The following ZNF532 variants were observed in gnomAD, a reference collection of about 807,000 sequenced individuals.
The protein encoded by ZNF532 is zinc finger protein 532.
Under a neutral mutation model 89.3 loss-of-function variants are expected in ZNF532, and 22 were observed. That is an observed-to-expected ratio of 0.25 (90% CI 0.18 to 0.35). The LOEUF is 0.35. Among genes scored for constraint, ZNF532 ranks in the 10% least tolerant of loss-of-function variants. The probability of loss-of-function intolerance (pLI) is 1.00; values close to 1 mark genes in which losing one functional copy is unlikely to be tolerated. For synonymous variants in ZNF532, 606 were observed against 649.6 expected (o/e 0.93, Z 1.02); for missense variants, 1,132 against 1,643.4 (o/e 0.69, Z 5.38).
In ZNF532 at chr18:58,916,822, T is replaced by G. The variant is rs959666573; in HGVS notation, c.-17-1449T>G. ...GTGTATTCTCACTGAGTAGAAATTCTCTCTTGACCCTGGAATAGTTACTTT... is the reference window on the plus strand; with the variant it reads ...GTGTATTCTCACTGAGTAGAAATTCGCTCTTGACCCTGGAATAGTTACTTT... On this transcript the variant is annotated intron_variant, in intron 2 of 9. Coordinates refer to ENST00000591808, the MANE Select transcript of ZNF532 (RefSeq NM_001375912.1). The G allele has an allele frequency of 5.7e-6, 4 of 701,094 alleles. No individual in the cohort carries two copies. The South Asian group carries it at 2.6e-4, about 45-fold the overall frequency. 43.4% of individuals were successfully genotyped at this position (701,094 alleles called of 1,614,324 possible). A position where few individuals can be genotyped will look rare whatever the true frequency, so the allele number is the denominator to read the frequency against.
At chr18:58,954,711 CTTTTTTTTTT>C (rs11416830) in intron 7 of ZNF532, among the ~76,000 whole-genome samples, 1 of 106,338 alleles carries the variant, frequency 9.4e-6, no homozygotes, top group Non-Finnish European at 2.0e-5. Context: ...GAATTTGCTA[CTTTTTTTTTT>C]TTTTTTTTTG....
chr18:58,954,339 G>A, intron 7 of ZNF532: 3 of 827,626 alleles, frequency 3.6e-6, no homozygotes, highest in Non-Finnish European at 4.4e-6. Flanking sequence ...TAAATAGTAA[G>A]TATATGTCTC....
chr18:58,944,955 A>C (rs955399969), intron 5 of ZNF532, among the ~76,000 whole-genome samples: 1 of 152,118 alleles, frequency 6.6e-6, no homozygotes, highest in Non-Finnish European at 1.5e-5. Flanking sequence ...TCTTCCACAA[A>C]AGGAACTTGT....
chr18:58,863,395 G>A (rs2056124275), upstream of ZNF532: 2 of 142,900 alleles, frequency 1.4e-5, no homozygotes, highest in Non-Finnish European at 3.1e-5. Flanking sequence ...GGCGCCCGCC[G>A]GCCGCGGGGC....
chr18:58,928,290 T>TG (rs1283701667), intron 3 of ZNF532, among the ~76,000 whole-genome samples: 2 of 152,230 alleles, frequency 1.3e-5, no homozygotes, highest in East Asian at 3.9e-4. Context: ...AAGGAAGGTT[T>TG]GGGTGGCATT....
At chr18:58,963,824 A>G (rs796219986) in intron 7 of ZNF532, among the ~76,000 whole-genome samples, 4 of 149,642 alleles carry the variant, frequency 2.7e-5, no homozygotes, top group African/African-American at 9.8e-5. Flanking sequence ...CCTGTCTCAA[A>G]AAAAAAAAAA....
upstream of ZNF532, chr18:58,863,782 C>CG (rs1447870726): frequency 6.6e-6 from 1 of 151,724 alleles, no homozygotes; most frequent in Non-Finnish European, 1.5e-5. Context: ...TGCGGGGCGG[C>CG]GGGAGGCGGC....
intron 2 of ZNF532, among the ~76,000 whole-genome samples, chr18:58,866,815 CAA>C (rs975707561): frequency 2.3e-4 from 35 of 152,212 alleles, no homozygotes; most frequent in African/African-American, 3.1e-4. Flanking sequence ...AAAAGGGAAA[CAA>C]GAGTGCATGG....
intron 3 of ZNF532, among the ~76,000 whole-genome samples, chr18:58,927,748 G>A (rs557848419): frequency 2.0e-5 from 3 of 152,290 alleles, no homozygotes; most frequent in African/African-American, 7.2e-5. Flanking sequence ...TACCTGTCCT[G>A]TCTTCAAGGA....
chr18:58,970,994 T>A (rs1037849132), intron 7 of ZNF532, among the ~76,000 whole-genome samples: 2 of 152,244 alleles, frequency 1.3e-5, no homozygotes, highest in African/African-American at 4.8e-5. Flanking sequence ...GAAACTACGG[T>A]GCGACACGTT....
At chr18:58,885,468 C>T (rs192524944) in intron 2 of ZNF532, among the ~76,000 whole-genome samples, 4 of 152,176 alleles carry the variant, frequency 2.6e-5, no homozygotes, top group Admixed American at 2.6e-4. Flanking sequence ...TTTAAATTTC[C>T]ACCTCCTGCC....
chr18:58,948,060 A>G lies in ZNF532; in HGVS notation c.2706-7A>G, dbSNP rs2063813840. ...TGACATGATCTCGCTGCACTCTTCT[A>G]TTTTAGAATAATATATAAGTGTTCC... On this transcript the variant is annotated splice_region_variant and splice_polypyrimidine_tract_variant and intron_variant, in intron 5 of 9. Transcript: ENST00000591808. The G allele has an allele frequency of 4.4e-6, 7 of 1,607,888 alleles. No homozygotes were observed. The highest frequency in any genetic ancestry group is 4.2e-6 in the Non-Finnish European group (5 of 1,177,582).
intron 7 of ZNF532, among the ~76,000 whole-genome samples, chr18:58,958,258 C>T (rs1405032819): frequency 1.3e-5 from 2 of 152,054 alleles, no homozygotes; most frequent in African/African-American, 4.8e-5. Context: ...GACAGATATT[C>T]AGTGCATATT....
intron 2 of ZNF532, among the ~76,000 whole-genome samples, chr18:58,900,041 CTCTT>C (rs1310072779): frequency 2.6e-5 from 4 of 152,146 alleles, no homozygotes; most frequent in African/African-American, 9.6e-5. Flanking sequence ...CATCTCTGTC[CTCTT>C]TATTTTTGAT....
chr18:58,880,728 A>G (rs1201255330), intron 2 of ZNF532, among the ~76,000 whole-genome samples: 1 of 127,950 alleles, frequency 7.8e-6, no homozygotes, highest in East Asian at 2.2e-4. Context: ...AGGTACATAG[A>G]TGTATATTTG....
intron 2 of ZNF532, among the ~76,000 whole-genome samples, chr18:58,891,571 T>C (rs2058907481): frequency 6.6e-6 from 1 of 152,098 alleles, no homozygotes; most frequent in South Asian, 2.1e-4. Context: ...CTTACGAACA[T>C]TTAAAAAAAT....
rs765317969 is a variant in ZNF532 at position 58,919,106 on chromosome 18, C to T, written c.819C>T (p.Ala273=). 13 of 1,614,224 alleles carry T rather than the reference C, an allele frequency of 8.1e-6. 1 individual carries two copies. The South Asian group carries it at 1.4e-4, about 18-fold the overall frequency. ...SSSKLSSCIA[A]IAALSAKKAA... is the part of the protein sequence containing the mutation. ...CCAAGCTCTCGTCCTGCATCGCTGC[C>T]ATCGCGGCTCTCAGCGCTAAAAAGG... Residue 273 remains alanine, a synonymous_variant, in exon 3 of 10, where the codon GCC becomes GCT. Coordinates refer to ENST00000591808, the MANE Select transcript of ZNF532 (RefSeq NM_001375912.1). This position sits in a 1 kb window ranked among gnomAD's most constrained non-coding sequence, Gnocchi z 6.1.
chr18:58,936,447 A>G (rs2146530491), intron 4 of ZNF532, among the ~76,000 whole-genome samples: 1 of 152,340 alleles, frequency 6.6e-6, no homozygotes, highest in Non-Finnish European at 1.5e-5. Context: ...GATTAAAGGA[A>G]ATATGACTTC....
At chr18:58,888,717 A>AATT (rs1568244768) in intron 2 of ZNF532, among the ~76,000 whole-genome samples, 1 of 49,520 alleles carries the variant, frequency 2.0e-5, no homozygotes, top group South Asian at 6.7e-4. Context: ...ATATATATAT[A>AATT]TATATATAAA....
Sources: gnomAD v4.1 joint callset for allele counts (sites outside exome capture counted in the v4.1 genomes callset) on GRCh38, gnomAD v4.1.1 for gene constraint, Gnocchi (gnomAD v3.1) non-coding constraint, MANE v1.5 for transcripts, NCBI Gene and HGNC (gene_info 2026-07-23, HGNC 2026-07-21) for gene names.